The following EFCAB13 variants were observed in gnomAD, a reference collection of about 807,000 sequenced individuals.
EFCAB13 encodes the protein EF-hand calcium-binding domain-containing protein 13.
EFCAB13 carries 91 observed loss-of-function variants against 110.2 expected under a neutral mutation model. That is an observed-to-expected ratio of 0.83 (90% CI 0.70 to 0.98). EFCAB13 has a LOEUF of 0.98. Among genes scored for constraint, EFCAB13 ranks in the 50% least tolerant of loss-of-function variants. The pLI is 0.00. For missense variants in EFCAB13, 968 were observed against 1,119.4 expected, an observed-to-expected ratio of 0.86 and a Z score of 1.93; for synonymous variants, 323 against 369.9, an observed-to-expected ratio of 0.87 and a Z score of 1.45.
At chr17:47,409,475 G>A (rs2065822189) in intron 20 of EFCAB13, 172 bp from the exon 21 acceptor site, 2 of 603,300 alleles carry the variant, frequency 3.3e-6, no homozygotes, top group East Asian at 2.6e-5. Flanking sequence ...AGAGTGAGGA[G>A]AGAATGGATA....
At chr17:47,356,780 G>T (rs955902575) in intron 9 of EFCAB13, among the ~76,000 whole-genome samples, 1 of 152,154 alleles carries the variant, frequency 6.6e-6, no homozygotes, top group Non-Finnish European at 1.5e-5. Flanking sequence ...TGGTGGGCAG[G>T]GCCATAGAGC....
chr17:47,415,441 A>G (rs551210571), intron 23 of EFCAB13, among the ~76,000 whole-genome samples: 2 of 152,234 alleles, frequency 1.3e-5, no homozygotes, highest in South Asian at 4.1e-4. Flanking sequence ...TAGTCTCTCT[A>G]ATTTTAAAAA....
At chr17:47,433,838 G>A (rs1311323855) in intron 24 of EFCAB13, among the ~76,000 whole-genome samples, 1 of 151,816 alleles carries the variant, frequency 6.6e-6, no homozygotes, top group East Asian at 1.9e-4. Context: ...TTCTATTTCA[G>A]CCACCTGTTC....
chr17:47,397,064 C>A (rs911157507), intron 17 of EFCAB13, among the ~76,000 whole-genome samples: 1 of 147,930 alleles, frequency 6.8e-6, no homozygotes, highest in Non-Finnish European at 1.5e-5. Flanking sequence ...CATGCCGAGC[C>A]GAAGCTGGAC....
intron 4 of EFCAB13, among the ~76,000 whole-genome samples, chr17:47,332,734 G>A (rs1336313271): frequency 6.6e-6 from 1 of 152,078 alleles, no homozygotes; most frequent in Non-Finnish European, 1.5e-5. Flanking sequence ...ATGTTATCGT[G>A]AATGACAGTT....
At position 47,404,114 on chromosome 17, in the gene EFCAB13, T is replaced by G. The variant is rs561606167; in HGVS notation, c.2161+93T>G. 6.2e-5 allele frequency: 62 copies of G among 1,003,768 alleles called. No individual in the cohort carries two copies. In the African/African-American group the frequency reaches 9.2e-4, roughly 15 times the overall value. The allele number at this position is 1,003,768 out of a possible 1,614,324, so 62.2% of individuals were successfully genotyped here. On this transcript the variant is annotated intron_variant, in intron 19 of 24. Coordinates refer to ENST00000331493, the MANE Select transcript of EFCAB13 (RefSeq NM_152347.5). ...AGGTATTTGCTTATGTTACTATAAA[T>G]GTAATCTTTGAAACGGAGCCTTTCC...
At chr17:47,369,308 T>C (rs1438083742) in intron 10 of EFCAB13, among the ~76,000 whole-genome samples, 1 of 152,214 alleles carries the variant, frequency 6.6e-6, no homozygotes, top group Non-Finnish European at 1.5e-5. Context: ...TATTCCCAAC[T>C]CATTGAAGGT....
chr17:47,381,268 G>C (rs775312578), intron 14 of EFCAB13, among the ~76,000 whole-genome samples: 2 of 151,976 alleles, frequency 1.3e-5, no homozygotes, highest in Non-Finnish European at 2.9e-5. Context: ...TTGTCAGGTG[G>C]ATAGGTTGCA....
In EFCAB13 at chr17:47,402,104, G is replaced by T. The variant is rs764840989; in HGVS notation, c.1946-28G>T. On this transcript the variant is annotated intron_variant, in intron 17 of 24. Coordinates refer to ENST00000331493, the MANE Select transcript of EFCAB13 (RefSeq NM_152347.5). ...GATCTGACTTTTGCGTAATGAGGTT[G>T]GTCTATTAAAAGTGTTTTTTCTCAC... The T allele has an allele frequency of 5.0e-6, 8 of 1,594,598 alleles. No individual in the cohort carries two copies. In the East Asian group the frequency reaches 1.8e-4, roughly 36 times the overall value.
intron 23 of EFCAB13, among the ~76,000 whole-genome samples, chr17:47,421,380 G>A (rs1912455558): frequency 1.3e-5 from 2 of 152,212 alleles, no homozygotes; most frequent in Non-Finnish European, 2.9e-5. Context: ...GGGTTAAATG[G>A]ATTAAGGGCG....
intron 21 of EFCAB13, among the ~76,000 whole-genome samples, chr17:47,411,556 T>G (rs2065835180): frequency 6.6e-6 from 1 of 152,328 alleles, no homozygotes; most frequent in East Asian, 1.9e-4. Flanking sequence ...TAGTCTCCCT[T>G]ATCAAGGAAT....
At chr17:47,383,490 C>T (rs777877339) in intron 14 of EFCAB13, among the ~76,000 whole-genome samples, 4 of 152,164 alleles carry the variant, frequency 2.6e-5, no homozygotes, top group Non-Finnish European at 5.9e-5. Context: ...TCTTTGTTCT[C>T]ATTGGTTTCA....
chr17:47,438,263 C>T (rs965669679), intron 24 of EFCAB13, among the ~76,000 whole-genome samples: 3 of 152,132 alleles, frequency 2.0e-5, no homozygotes, highest in Non-Finnish European at 2.9e-5. Context: ...TGTGCCTAGG[C>T]GAAGATTGTT....
intron 6 of EFCAB13, 152 bp from the exon 7 acceptor site, chr17:47,344,010 A>T: frequency 1.2e-6 from 1 of 809,888 alleles, no homozygotes; most frequent in Non-Finnish European, 1.8e-6. Flanking sequence ...TATTAAATGT[A>T]ATTTAATTAC....
chr17:47,394,013 T>C lies in EFCAB13; in HGVS notation c.1727-12T>C, dbSNP rs748618944. 5.3e-6 allele frequency: 8 copies of C among 1,516,784 alleles called. No homozygotes were observed. The South Asian group carries it at 1.1e-4, about 20-fold the overall frequency. 94.0% of individuals were successfully genotyped at this position (1,516,784 alleles called of 1,614,324 possible). A position where few individuals can be genotyped will look rare whatever the true frequency, so the allele number is the denominator to read the frequency against. ...AAAAGATGCCAAAAAAATGTGTTTC[T>C]TTTTCCTGTAGAAACAAAAAAAGTG... On this transcript the variant is annotated splice_polypyrimidine_tract_variant and intron_variant, in intron 15 of 24. Transcript: ENST00000331493.
intron 21 of EFCAB13, 37 bp downstream of exon 21, chr17:47,409,728 A>T (rs200181002): frequency 6.8e-7 from 1 of 1,468,920 alleles, no homozygotes; most frequent in East Asian, 2.3e-5. Flanking sequence ...AATTTTCAAT[A>T]ATAAGAGATA....
At chr17:47,327,563 T>C (rs1394489826) in intron 3 of EFCAB13, among the ~76,000 whole-genome samples, 1 of 150,480 alleles carries the variant, frequency 6.6e-6, no homozygotes, top group Admixed American at 6.6e-5. Flanking sequence ...ATTCAAGCGA[T>C]TCTGCCTCAG....
intron 17 of EFCAB13, among the ~76,000 whole-genome samples, chr17:47,400,745 T>C (rs182480070): frequency 2.0e-5 from 3 of 151,264 alleles, no homozygotes; most frequent in Non-Finnish European, 3.0e-5. Context: ...TTAGTTCTAC[T>C]TGATTATACA....
intron 17 of EFCAB13, among the ~76,000 whole-genome samples, chr17:47,398,435 G>GA (rs1263138314): frequency 1.3e-5 from 2 of 151,470 alleles, no homozygotes; most frequent in African/African-American, 4.8e-5. Flanking sequence ...GAAAGGTGGG[G>GA]AAAAGATTGA....
Sources: gnomAD v4.1 joint callset for allele counts (sites outside exome capture counted in the v4.1 genomes callset) on GRCh38, gnomAD v4.1.1 for gene constraint, MANE v1.5 for transcripts, NCBI Gene and HGNC (gene_info 2026-07-23, HGNC 2026-07-21) for gene names.